CAVIN1: variants seen among roughly 807,000 people sequenced by gnomAD.
The protein encoded by CAVIN1 is caveolae-associated protein 1.
In CAVIN1, 16 loss-of-function variants were observed where a neutral mutation model predicts 24.0. That is an observed-to-expected ratio of 0.67 (90% CI 0.45 to 1.01). CAVIN1 has a LOEUF of 1.01. Ranked by LOEUF, CAVIN1 falls within the 50% of genes least tolerant of loss-of-function variation. The pLI is 0.00. For missense variants in CAVIN1, 510 were observed against 551.7 expected (o/e 0.92, Z 0.76); for synonymous variants, 256 against 256.4 (o/e 1.00, Z 0.02).
At chr17:42,410,987 G>A (rs1187003873) in intron 1 of CAVIN1, among the ~76,000 whole-genome samples, 1 of 146,372 alleles carries the variant, frequency 6.8e-6, no homozygotes, top group East Asian at 2.0e-4. Flanking sequence ...TGGGAGGCGG[G>A]GCAGATCACC....
At chr17:42,422,581 G>T in intron 1 of CAVIN1, 46 bp downstream of exon 1, 2 of 1,471,130 alleles carry the variant, frequency 1.4e-6, no homozygotes, top group Non-Finnish European at 1.9e-6. Flanking sequence ...CAGGGGACGC[G>T]GGCCGGGCGC....
At chr17:42,415,659 C>T (rs2085507443) in intron 1 of CAVIN1, among the ~76,000 whole-genome samples, 1 of 151,456 alleles carries the variant, frequency 6.6e-6, no homozygotes. Flanking sequence ...TGCAGTGAGC[C>T]GTGACAGCTG....
rs774857493 is a variant in CAVIN1, at chr17:42,410,892, C to CAAAAAAA, written c.472-5511_472-5505dup. Reference sequence around the variant, plus strand: ...CTGGCGACGGAGTGAGACTCTGTCTCAAAAAAAAAAAAAAAAAAAAAAAAA... The same window carrying CAAAAAAA: ...CTGGCGACGGAGTGAGACTCTGTCTCAAAAAAAAAAAAAAAAAAAAAAAAAAAAAAAA... On this transcript the variant is annotated intron_variant, in intron 1 of 1. Transcript: ENST00000357037. Among the ~76,000 whole-genome samples the CAAAAAAA allele has an allele frequency of 1.7e-4, 13 of 76,384 alleles. 1 individual carries two copies. The highest frequency in any genetic ancestry group is 5.9e-4 in the African/African-American group (11 of 18,494). The allele number at this position is 76,384 out of a possible 152,430, so 50.1% of individuals were successfully genotyped here.
chr17:42,421,716 G>T (rs1380534316), intron 1 of CAVIN1, among the ~76,000 whole-genome samples: 2 of 152,204 alleles, frequency 1.3e-5, no homozygotes, highest in Non-Finnish European at 2.9e-5. Flanking sequence ...AAAGCAACAA[G>T]TGGCCCCGGG....
chr17:42,405,169 C>A lies in CAVIN1; in HGVS notation c.691G>T (p.Asp231Tyr). The A allele has an allele frequency of 6.2e-7, 1 of 1,612,652 alleles. No individual in the cohort carries two copies. The highest frequency in any genetic ancestry group is 1.1e-5 in the South Asian group (1 of 90,990). ...TCCTTGGAGAAGGCCTTCTTGAAGT[C>A]GTCCACGCGCCGCAGGCCGCTGCGC... ...IKRSGLRRVD[D>Y]FKKAFSKEKM... Residue 231 changes from aspartate (D) to tyrosine (Y), a missense_variant, in exon 2 of 2, where the codon GAC becomes TAC. Transcript: ENST00000357037.
At chr17:42,422,433 G>C (rs2085555560) in intron 1 of CAVIN1, among the ~76,000 whole-genome samples, 194 bp downstream of exon 1, 1 of 151,994 alleles carries the variant, frequency 6.6e-6, no homozygotes, top group Non-Finnish European at 1.5e-5. Context: ...GGAGTCCGCC[G>C]CTCCCTCCAC....
chr17:42,407,534 C>T (rs1177262535), intron 1 of CAVIN1, among the ~76,000 whole-genome samples: 2 of 152,112 alleles, frequency 1.3e-5, no homozygotes, highest in Admixed American at 6.6e-5. Context: ...ACTAGGAACA[C>T]CCTCTCCCAA....
chr17:42,411,792 G>T, intron 1 of CAVIN1: 7 of 985,434 alleles, frequency 7.1e-6, no homozygotes, highest in Non-Finnish European at 7.2e-6. Flanking sequence ...GCTTAAGTGT[G>T]GGGGAGCATT....
At chr17:42,417,529 ATG>A (rs2085519532) in intron 1 of CAVIN1, among the ~76,000 whole-genome samples, 1 of 152,042 alleles carries the variant, frequency 6.6e-6, no homozygotes, top group African/African-American at 2.4e-5. Flanking sequence ...AGCCATCATA[ATG>A]TGTTAGTGAA....
intron 1 of CAVIN1, among the ~76,000 whole-genome samples, chr17:42,409,941 A>G (rs2085466091): frequency 1.3e-5 from 2 of 152,128 alleles, no homozygotes; most frequent in Admixed American, 1.3e-4. Context: ...GAACAAAAGC[A>G]TTACAGTTCC....
Position 42,402,595 on chromosome 17 carries a change from C to T in CAVIN1, c.*2092G>A, listed in dbSNP as rs1382978026. The T allele has an allele frequency of 6.6e-6, 1 of 152,058 alleles. No homozygotes were observed. Among genetic ancestry groups the T allele is most frequent in the Non-Finnish European group, 1.5e-5 (1 of 68,040 alleles). 9.4% of individuals were successfully genotyped at this position (152,058 alleles called of 1,614,324 possible). ...ACCAAGGGACCTTGTCCCACAATCC[C>T]CAACCTCCCTCGGCAGAGGGGTCTT... is the stretch of plus-strand genomic sequence containing the variant. On this transcript the variant is annotated 3_prime_UTR_variant, in exon 2 of 2. Transcript: ENST00000357037.
intron 1 of CAVIN1, among the ~76,000 whole-genome samples, chr17:42,411,207 A>AAAAAAAAAAAAAACAAAAAAAC (rs758609413): frequency 7.8e-6 from 1 of 127,528 alleles, no homozygotes; most frequent in African/African-American, 2.8e-5. Context: ...AAAAAAAAAA[A>AAAAAAAAAAAAAACAAAAAAAC]AACTAAAAGG....
chr17:42,422,737 C>A lies in CAVIN1; in HGVS notation c.361G>T (p.Val121Leu). Reference protein sequence around the residue: ...LEKVRKVSVNVKTVRGSLERQ... With the variant: ...LEKVRKVSVNLKTVRGSLERQ... ...TCCAGGCTGCCGCGCACGGTCTTCA[C>A]GTTGACGCTGACCTTGCGCACCTTC... is the stretch of plus-strand genomic sequence containing the variant. The change falls in exon 1 of 2, where the codon GTG becomes TTG. Residue 121 changes from valine to leucine, a missense_variant. By Grantham distance (32) the Val-to-Leu change is conservative. Coordinates refer to ENST00000357037, the MANE Select transcript of CAVIN1 (RefSeq NM_012232.6). 6.2e-7 allele frequency: 1 copy of A among 1,611,342 alleles called. No individual in the cohort carries two copies.
At position 42,405,006 on chromosome 17, in the gene CAVIN1, T is replaced by C. The variant is rs756310824; in HGVS notation, c.854A>G (p.Glu285Gly). 1 of 1,614,086 alleles carries C rather than the reference T, an allele frequency of 6.2e-7. No individual in the cohort carries two copies. Among genetic ancestry groups the C allele is most frequent in the Admixed American group, 1.7e-5 (1 of 60,010 alleles). The stretch of plus-strand genomic sequence containing the variant: ...CGACGTCTTCAGTTTCTCGCGCCGC[T>C]CGGCGGGCACCAGGCGCGTGCCCAG... ...NKLGTRLVPA[E>G]RREKLKTSRD... Residue 285 changes from glutamate (E) to glycine (G), a missense_variant, in exon 2 of 2, where the codon GAG becomes GGG. Physicochemically the swap from Glu to Gly is moderately conservative, Grantham distance 98. Transcript: ENST00000357037.
intron 1 of CAVIN1, among the ~76,000 whole-genome samples, chr17:42,411,142 G>A (rs1046238681): frequency 7.9e-6 from 1 of 126,648 alleles, no homozygotes; most frequent in African/African-American, 2.9e-5. Flanking sequence ...GTAGTTAGCC[G>A]AGATCACTCC....
intron 1 of CAVIN1, among the ~76,000 whole-genome samples, chr17:42,409,393 G>A (rs1205790446): frequency 6.6e-6 from 1 of 152,188 alleles, no homozygotes; most frequent in African/African-American, 2.4e-5. Context: ...GAGCCACTGT[G>A]CCTGGCCAAG....
intron 1 of CAVIN1, chr17:42,411,478 C>A: frequency 2.0e-6 from 2 of 985,312 alleles, no homozygotes; most frequent in Non-Finnish European, 2.4e-6. Context: ...GCTAGAATGT[C>A]CCCCTCCTGG....
At chr17:42,417,694 C>T (rs771768147) in intron 1 of CAVIN1, among the ~76,000 whole-genome samples, 1 of 152,044 alleles carries the variant, frequency 6.6e-6, no homozygotes, top group Non-Finnish European at 1.5e-5. Flanking sequence ...ATTTACTATA[C>T]TATACTATTT....
rs1268944317 is a variant in CAVIN1, at chr17:42,423,082, G to C, written c.16C>G (p.Leu6Val). The C allele has an allele frequency of 6.3e-7, 1 of 1,589,530 alleles. No individual in the cohort carries two copies. The change falls in exon 1 of 2, where the codon CTC becomes GTC. Residue 6 changes from leucine to valine, a missense_variant. Leu to Val is a conservative substitution (Grantham distance 32). Coordinates refer to ENST00000357037, the MANE Select transcript of CAVIN1 (RefSeq NM_012232.6). ...GGAAGCGGCCGCTCGACAATATAGA[G>C]CGTGGGGTCCTCCATGGCTACCCGG... is the stretch of plus-strand genomic sequence containing the variant. The part of the protein sequence containing the change: MEDPT[L>V]YIVERPLPGY...
Sources: gnomAD v4.1 joint callset for allele counts (sites outside exome capture counted in the v4.1 genomes callset) on GRCh38, gnomAD v4.1.1 for gene constraint, MANE v1.5 for transcripts, NCBI Gene and HGNC (gene_info 2026-07-23, HGNC 2026-07-21) for gene names.